Variants in TERT observed in about 807,000 individuals in gnomAD.
The protein encoded by TERT is telomerase reverse transcriptase.
In TERT, 42 loss-of-function variants were observed where a neutral mutation model predicts 104.0. The ratio of observed to expected loss-of-function variants is 0.40; its 90% CI spans 0.32 to 0.52. The LOEUF (loss-of-function observed/expected upper bound fraction) is 0.52. Ranked by LOEUF, TERT falls within the 20% of genes least tolerant of loss-of-function variation. TERT has a pLI of 0.43. For synonymous variants in TERT, 781 were observed against 725.6 expected, an observed-to-expected ratio of 1.08 and a Z score of -1.23; for missense variants, 1,101 against 1,610.3, an observed-to-expected ratio of 0.68 and a Z score of 5.41.
chr5:1,282,908 G>A (rs1276636960), intron 2 of TERT: 13 of 463,634 alleles, frequency 2.8e-5, no homozygotes, highest in South Asian at 1.0e-4. Context: ...CCAGCTCACC[G>A]CAGGGCCTGG....
At position 1,278,785 on chromosome 5, in the gene TERT, C is replaced by A. The variant is rs762534978; in HGVS notation, c.2142G>T (p.Thr714=). Residue 714 remains threonine, a synonymous_variant, in exon 6 of 16, where the codon ACG becomes ACT. Coordinates refer to ENST00000310581, the MANE Select transcript of TERT (RefSeq NM_198253.3). ...CCTGGGGGATGGTGTCGTACGCGCCCGTCACATCCACCTGTGTGAGTGGAG... is the reference window on the plus strand; with the variant it reads ...CCTGGGGGATGGTGTCGTACGCGCCAGTCACATCCACCTGTGTGAGTGGAG... The part of the protein sequence containing the change: ...PELYFVKVDV[T]GAYDTIPQDR... 1 of 1,614,110 alleles carries A rather than the reference C, an allele frequency of 6.2e-7. No individual in the cohort carries two copies. The highest frequency in any genetic ancestry group is 8.5e-7 in the Non-Finnish European group (1 of 1,180,044).
At position 1,286,614 on chromosome 5, in the gene TERT, G is replaced by A. The variant is rs1163571032; in HGVS notation, c.1574-3990C>T. On this transcript the variant is annotated intron_variant, in intron 2 of 15. Transcript: ENST00000310581. This position sits in a 1 kb window ranked among gnomAD's most constrained non-coding sequence, Gnocchi z 5.3. The stretch of plus-strand genomic sequence containing the variant: ...CAAGGTATGCCGGGCACGGTGGCTT[G>A]CACCTGTAATCCCAGCACTGTGGGA... 6.6e-6 allele frequency among the ~76,000 whole-genome samples: 1 copy of A among 152,134 alleles called. No individual in the cohort carries two copies. Among genetic ancestry groups the A allele is most frequent in the African/African-American group, 2.4e-5 (1 of 41,440 alleles).
chr5:1,267,185 T>C (rs1748669199), intron 9 of TERT, among the ~76,000 whole-genome samples: 1 of 152,240 alleles, frequency 6.6e-6, no homozygotes, highest in South Asian at 2.1e-4. Context: ...CTTGATCCAC[T>C]GTACATGCTA....
chr5:1,260,733 A>T lies in TERT; in HGVS notation c.2844-133T>A, dbSNP rs573297476. 1.7e-5 allele frequency: 22 copies of T among 1,317,944 alleles called. No homozygotes were observed. The South Asian group carries it at 2.8e-4, about 17-fold the overall frequency. 81.6% of individuals were successfully genotyped at this position (1,317,944 alleles called of 1,614,324 possible). A position where few individuals can be genotyped will look rare whatever the true frequency, so the allele number is the denominator to read the frequency against. On this transcript the variant is annotated intron_variant, in intron 11 of 15. Transcript: ENST00000310581. Reference sequence around the variant, plus strand: ...TGCCTGGGGCATGCGCTGCAGCCCGAGGGGGCTGGGTGCTCACTCCATGGA... The same window carrying T: ...TGCCTGGGGCATGCGCTGCAGCCCGTGGGGGCTGGGTGCTCACTCCATGGA...
rs758664162 is a variant in TERT at position 1,260,594 on chromosome 5, G to C, written c.2850C>G (p.Ala950=). Residue 950 remains alanine (A), a synonymous_variant, in exon 12 of 16, where the codon GCC becomes GCG. Transcript: ENST00000310581. ...LEVQSDYSSY[A]RTSIRASLTF... ...TGAGACTGGCTCTGATGGAGGTCCG[G>C]GCATAGCTGAGACACAGGGGGGAAT... The C allele has an allele frequency of 6.8e-6, 11 of 1,613,876 alleles. No homozygotes were observed. The East Asian group carries it at 2.2e-4, about 33-fold the overall frequency.
In TERT at chr5:1,266,450, G is replaced by C. The variant is rs754348098; in HGVS notation, c.2654+14C>G. 1.9e-6 allele frequency: 3 copies of C among 1,602,524 alleles called. No homozygotes were observed. The highest frequency in any genetic ancestry group is 2.6e-6 in the Non-Finnish European group (3 of 1,174,234). Reference sequence around the variant, plus strand: ...GCTGTGGAGGTCCCCACAGACACACGGCACGGGCCTCACCTGAGGAAGGTT... The same window carrying C: ...GCTGTGGAGGTCCCCACAGACACACCGCACGGGCCTCACCTGAGGAAGGTT... On this transcript the variant is annotated intron_variant, in intron 10 of 15. Coordinates refer to ENST00000310581, the MANE Select transcript of TERT (RefSeq NM_198253.3).
rs1368312274 is a variant in TERT, at chr5:1,292,839, C to G, written c.1573+474G>C. ...TCAACACACAATTAAATCTTAAACA[C>G]AAACCTGCATATTGGCTGACCACGT... On this transcript the variant is annotated intron_variant, in intron 2 of 15. Coordinates refer to ENST00000310581, the MANE Select transcript of TERT (RefSeq NM_198253.3). The surrounding 1 kb of genome is among the most constrained non-coding windows in gnomAD (Gnocchi z 5.5). Among the ~76,000 whole-genome samples the G allele has an allele frequency of 1.3e-5, 2 of 152,220 alleles. No homozygotes were observed. Among genetic ancestry groups the G allele is most frequent in the Admixed American group, 6.5e-5 (1 of 15,284 alleles).
chr5:1,285,511 A>G (rs1335399750), intron 2 of TERT, among the ~76,000 whole-genome samples: 2 of 147,752 alleles, frequency 1.4e-5, no homozygotes, highest in Non-Finnish European at 3.0e-5. Context: ...AGTAAAATCT[A>G]TTATTACATT....
chr5:1,285,695 G>A (rs1007435549), intron 2 of TERT, among the ~76,000 whole-genome samples: 3 of 148,126 alleles, frequency 2.0e-5, no homozygotes, highest in East Asian at 2.1e-4. Context: ...TCAGCCTCCC[G>A]AGTAGCTGGG....
chr5:1,267,747 C>T (rs1432870024), intron 9 of TERT, among the ~76,000 whole-genome samples: 2 of 152,140 alleles, frequency 1.3e-5, no homozygotes. Context: ...GAAAACCAAA[C>T]ACCACATGTT....
At position 1,272,585 on chromosome 5, in the gene TERT, CTACGA is replaced by C. The variant is rs1561198013; in HGVS notation, c.2287-310_2287-306del. ...CCATCCACAGTCACCACATCAGACC[CTACGA>C]CCGCCATCCACAGTCACCACATCAG... On this transcript the variant is annotated intron_variant, in intron 6 of 15. Coordinates refer to ENST00000310581, the MANE Select transcript of TERT (RefSeq NM_198253.3). Among the ~76,000 whole-genome samples the C allele has an allele frequency of 8.5e-4, 33 of 38,948 alleles. 1 individual carries two copies. Among genetic ancestry groups the C allele is most frequent in the African/African-American group, 1.1e-3 (7 of 6,356 alleles). 25.6% of individuals were successfully genotyped at this position (38,948 alleles called of 152,430 possible). A position where few individuals can be genotyped will look rare whatever the true frequency, so the allele number is the denominator to read the frequency against.
chr5:1,257,996 G>A lies in TERT; in HGVS notation c.3032+602C>T, dbSNP rs1212878751. Reference sequence around the variant, plus strand: ...CTGACTCCAGGCAGAAGCTGGCCCTGTGGCCTCCACAGATTGGCCCTTCCC... The same window carrying A: ...CTGACTCCAGGCAGAAGCTGGCCCTATGGCCTCCACAGATTGGCCCTTCCC... On this transcript the variant is annotated intron_variant, in intron 13 of 15. Coordinates refer to ENST00000310581, the MANE Select transcript of TERT (RefSeq NM_198253.3). The surrounding 1 kb of genome is among the most constrained non-coding windows in gnomAD (Gnocchi z 5.6). Among the ~76,000 whole-genome samples, 3 of 152,220 alleles carry A rather than the reference G, an allele frequency of 2.0e-5. No homozygotes were observed. Among genetic ancestry groups the A allele is most frequent in the African/African-American group, 7.2e-5 (3 of 41,460 alleles).
rs143199675 is a variant in TERT, at chr5:1,268,975, C to CTT, written c.2469-344_2469-343dup. On this transcript the variant is annotated intron_variant, in intron 8 of 15. Transcript: ENST00000310581. The surrounding 1 kb of genome is among the most constrained non-coding windows in gnomAD (Gnocchi z 5.5). ...CCGGAATGAATGCTTAACCGGACTCCTTTTTTTTTTTTCAAGGAATTTGTC... is the reference window on the plus strand; with the variant it reads ...CCGGAATGAATGCTTAACCGGACTCCTTTTTTTTTTTTTTCAAGGAATTTGTC... 2.0e-5 allele frequency among the ~76,000 whole-genome samples: 3 copies of CTT among 146,470 alleles called. No homozygotes were observed. The highest frequency in any genetic ancestry group is 1.4e-4 in the Admixed American group (2 of 14,642).
Position 1,294,208 on chromosome 5 carries a change from GC to G in TERT, c.677del (p.Gly226AlafsTer125). 1 of 1,580,468 alleles carries G rather than the reference GC, an allele frequency of 6.3e-7. No individual in the cohort carries two copies. Among genetic ancestry groups the G allele is most frequent in the Admixed American group, 1.7e-5 (1 of 58,034 alleles). On this transcript the variant is annotated frameshift_variant, in exon 2 of 16. Transcript: ENST00000310581. LOFTEE classifies it high-confidence loss of function. ...LPAPGARRRG[G>X]SASRSLPLPK... ...GCAACGGCAGACTTCGGCTGGCACT[GC>G]CCCCGCGCCTCCTCGCACCCGGGGC...
intron 11 of TERT, chr5:1,264,183 C>T (rs932885850): frequency 8.4e-6 from 5 of 592,054 alleles, no homozygotes; most frequent in African/African-American, 1.9e-5. Flanking sequence ...TTCCTTTTAC[C>T]AAAATAGCAC....
Position 1,294,985 on chromosome 5 carries a change from G to T in TERT, c.5C>A (p.Pro2Gln). 7.6e-7 allele frequency: 1 copy of T among 1,320,526 alleles called. No individual in the cohort carries two copies. The highest frequency in any genetic ancestry group is 3.1e-5 in the East Asian group (1 of 32,334). The allele number at this position is 1,320,526 out of a possible 1,614,324, so 81.8% of individuals were successfully genotyped here. Residue 2 changes from proline to glutamine, a missense_variant, in exon 1 of 16, where the codon CCG becomes CAG. Physicochemically the swap from Pro to Gln is moderately conservative, Grantham distance 76. Around this residue, in one of 5 missense-constraint regions of TERT, gnomAD observed 87 missense variants for 145.4 expected, o/e 0.60. Coordinates refer to ENST00000310581, the MANE Select transcript of TERT (RefSeq NM_198253.3). ...CACGGCTCGGCAGCGGGGAGCGCGC[G>T]GCATCGCGGGGGTGGCCGGGGCCAG... Reference protein sequence around the residue: MPRAPRCRAVRS... With the variant: MQRAPRCRAVRS...
chr5:1,254,342 C>T, intron 15 of TERT, 26 bp downstream of exon 15: 1 of 1,612,716 alleles, frequency 6.2e-7, no homozygotes, highest in Non-Finnish European at 8.5e-7. Context: ...CAGGTGGGGC[C>T]CGCACTGGCC....
Position 1,282,539 on chromosome 5 carries a change from G to C in TERT, c.1659C>G (p.Val553=). Residue 553 remains valine (V), a synonymous_variant, in exon 3 of 16, where the codon GTC becomes GTG. Transcript: ENST00000310581. ...KFLHWLMSVY[V]VELLRSFFYV... ...AAAAGAAAGACCTGAGCAGCTCGAC[G>C]ACGTACACACTCATCAGCCAGTGCA... 6.2e-7 allele frequency: 1 copy of C among 1,614,118 alleles called. No individual in the cohort carries two copies. The highest frequency in any genetic ancestry group is 1.3e-5 in the African/African-American group (1 of 75,042).
intron 2 of TERT, among the ~76,000 whole-genome samples, chr5:1,289,747 C>T (rs1194755404): frequency 1.8e-5 from 2 of 108,124 alleles, no homozygotes; most frequent in African/African-American, 9.0e-5. Context: ...GACAGGGACA[C>T]CCGGGGACAG....
Sources: gnomAD v4.1 joint callset for allele counts (sites outside exome capture counted in the v4.1 genomes callset) on GRCh38, gnomAD v4.1.1 for gene constraint, gnomAD v4.1.1 regional missense constraint, Gnocchi (gnomAD v3.1) non-coding constraint, MANE v1.5 for transcripts, NCBI Gene and HGNC (gene_info 2026-07-23, HGNC 2026-07-21) for gene names.